The following SEC11A variants were observed in gnomAD, a reference collection of about 807,000 sequenced individuals.
The protein encoded by SEC11A is signal peptidase complex catalytic subunit SEC11A.
SEC11A carries 14 observed loss-of-function variants against 25.6 expected under a neutral mutation model. The ratio of observed to expected loss-of-function variants is 0.55; its 90% CI spans 0.36 to 0.85. The LOEUF is 0.85. Ranked by LOEUF, SEC11A falls within the 40% of genes least tolerant of loss-of-function variation. SEC11A has a pLI of 0.01. For missense variants in SEC11A, 153 were observed against 222.9 expected (o/e 0.69, Z 2.00); for synonymous variants, 83 against 76.4 (o/e 1.09, Z -0.45).
At chr15:84,675,977 TG>T (rs929386182) in intron 4 of SEC11A, among the ~76,000 whole-genome samples, 1 of 152,228 alleles carries the variant, frequency 6.6e-6, no homozygotes, top group Non-Finnish European at 1.5e-5. Context: ...AGCAGATTAG[TG>T]GCTGTCCGAG....
intron 1 of SEC11A, among the ~76,000 whole-genome samples, chr15:84,693,761 T>A (rs1250114787): frequency 6.6e-6 from 1 of 152,152 alleles, no homozygotes; most frequent in African/African-American, 2.4e-5. Context: ...GTACCCGGCC[T>A]CTAATTTTCT....
At chr15:84,692,773 T>C (rs2141898264) in intron 1 of SEC11A, among the ~76,000 whole-genome samples, 1 of 152,262 alleles carries the variant, frequency 6.6e-6, no homozygotes, top group Admixed American at 6.5e-5. Flanking sequence ...AAAAAGCATA[T>C]ATTAAGGTCC....
rs531736213 is a variant in SEC11A, at chr15:84,672,549, G to A, written c.432-1767C>T. ...CTCCCGAGGTGCCGGGATTGCAGAC[G>A]GAGTCTCGTTCACTCAGTGCTCAAT... On this transcript the variant is annotated intron_variant, in intron 4 of 5. Coordinates refer to ENST00000268220, the MANE Select transcript of SEC11A (RefSeq NM_014300.4). The A allele has an allele frequency of 3.5e-3, 618 of 175,414 alleles. 4 individuals are homozygous for A. The highest frequency in any genetic ancestry group is 0.014 in the African/African-American group (583 of 41,864). The allele number at this position is 175,414 out of a possible 1,614,324, so 10.9% of individuals were successfully genotyped here.
intron 4 of SEC11A, chr15:84,679,236 T>C (rs995217531): frequency 8.1e-6 from 10 of 1,239,408 alleles, no homozygotes; most frequent in Admixed American, 2.3e-5. Context: ...ATTAGCAGCA[T>C]CTTGGGAACT....
chr15:84,697,439 T>C (rs1173128935), intron 1 of SEC11A, among the ~76,000 whole-genome samples: 1 of 152,112 alleles, frequency 6.6e-6, no homozygotes, highest in Non-Finnish European at 1.5e-5. Context: ...TCTTCCTCAT[T>C]TTTATTAGAG....
intron 1 of SEC11A, among the ~76,000 whole-genome samples, chr15:84,700,984 C>CA (rs57015135): frequency 0.47 from 36,628 of 77,942 alleles, 8,251 homozygotes; most frequent in East Asian, 0.69. Flanking sequence ...AACTCCATAT[C>CA]AAAAAAAAAA....
At chr15:84,674,139 C>G (rs1048915244) in intron 4 of SEC11A, among the ~76,000 whole-genome samples, 8 of 151,628 alleles carry the variant, frequency 5.3e-5, no homozygotes. Context: ...TCTCCAAGAG[C>G]TGAAAAGTAA....
chr15:84,694,699 A>C (rs185413416), intron 1 of SEC11A, among the ~76,000 whole-genome samples: 1 of 152,184 alleles, frequency 6.6e-6, no homozygotes, highest in East Asian at 1.9e-4. Flanking sequence ...ACAGAGACTC[A>C]TGCCTGTAAT....
At chr15:84,681,707 G>A (rs552620551) in intron 3 of SEC11A, among the ~76,000 whole-genome samples, 1 of 152,122 alleles carries the variant, frequency 6.6e-6, no homozygotes, top group Non-Finnish European at 1.5e-5. Context: ...TCTGGGTCCA[G>A]ATTCAAACAA....
chr15:84,671,065 T>TG (rs762995707), intron 4 of SEC11A: 4 of 248,812 alleles, frequency 1.6e-5, no homozygotes, highest in Non-Finnish European at 2.3e-5. Flanking sequence ...CTCCAGGTGG[T>TG]GACTCTAATG....
intron 1 of SEC11A, among the ~76,000 whole-genome samples, chr15:84,702,734 T>C (rs1490283329): frequency 6.6e-6 from 1 of 152,176 alleles, no homozygotes; most frequent in East Asian, 1.9e-4. Flanking sequence ...TAGACCTACA[T>C]ATAATTTGAA....
At chr15:84,701,640 C>CA (rs1437894569) in intron 1 of SEC11A, among the ~76,000 whole-genome samples, 1 of 151,060 alleles carries the variant, frequency 6.6e-6, no homozygotes, top group Non-Finnish European at 1.5e-5. Flanking sequence ...ATGCTGCCTA[C>CA]AAAAAATGCA....
At chr15:84,710,542 C>T (rs1472745927) in intron 1 of SEC11A, among the ~76,000 whole-genome samples, 4 of 152,080 alleles carry the variant, frequency 2.6e-5, no homozygotes, top group Non-Finnish European at 5.9e-5. Context: ...GAGGCTGTGG[C>T]AGGGGAATTG....
chr15:84,680,898 T>C, intron 3 of SEC11A, 66 bp from the exon 4 acceptor site: 1 of 1,440,296 alleles, frequency 6.9e-7, no homozygotes, highest in Non-Finnish European at 9.4e-7. Context: ...CAAAATCTGT[T>C]CTTGTTAACC....
chr15:84,679,826 G>A, intron 4 of SEC11A: 1 of 725,212 alleles, frequency 1.4e-6, no homozygotes, highest in Non-Finnish European at 2.2e-6. Flanking sequence ...CACTTAGAAT[G>A]AGTCTCTGGT....
At chr15:84,677,107 T>C (rs1002290224) in intron 4 of SEC11A, among the ~76,000 whole-genome samples, 23 of 151,888 alleles carry the variant, frequency 1.5e-4, no homozygotes, top group Admixed American at 9.2e-4. Flanking sequence ...AAAAAAAGCA[T>C]GAAGACGTAT....
chr15:84,674,587 C>G (rs767236881), intron 4 of SEC11A, among the ~76,000 whole-genome samples: 7 of 152,002 alleles, frequency 4.6e-5, no homozygotes, highest in Non-Finnish European at 1.0e-4. Flanking sequence ...GATACATGAT[C>G]TTACTCTGGC....
Position 84,716,123 on chromosome 15 carries a change from C to T in SEC11A, c.-48G>A. ...CCGGCAGGGGAAAGGGCGCGATGAC[C>T]AGCGGGCGGAACTACTGGAGCTCGG... is the stretch of plus-strand genomic sequence containing the variant. On this transcript the variant is annotated 5_prime_UTR_variant, in exon 1 of 6. Coordinates refer to ENST00000268220, the MANE Select transcript of SEC11A (RefSeq NM_014300.4). The T allele has an allele frequency of 6.3e-7, 1 of 1,587,514 alleles. No individual in the cohort carries two copies. Among genetic ancestry groups the T allele is most frequent in the Non-Finnish European group, 8.6e-7 (1 of 1,157,620 alleles).
intron 1 of SEC11A, among the ~76,000 whole-genome samples, chr15:84,702,335 C>T (rs1176381131): frequency 1.3e-5 from 2 of 148,526 alleles, no homozygotes; most frequent in Non-Finnish European, 3.0e-5. Context: ...GTGGCGGGCA[C>T]CCGTAATCCC....
Sources: allele counts gnomAD v4.1 joint callset (sites outside exome capture counted in the v4.1 genomes callset), GRCh38; gene constraint gnomAD v4.1.1; transcripts MANE v1.5; gene names NCBI Gene and HGNC (gene_info 2026-07-23, HGNC 2026-07-21).